The following VTI1A variants were observed in gnomAD, a reference collection of about 807,000 sequenced individuals.
The protein encoded by VTI1A is vesicle transport through interaction with t-SNAREs 1A.
VTI1A carries 22 observed loss-of-function variants against 34.9 expected under a neutral mutation model. The observed-to-expected ratio is 0.63, with a 90% CI of 0.45 to 0.90. The LOEUF (loss-of-function observed/expected upper bound fraction) is 0.90. Among genes scored for constraint, VTI1A ranks in the 40% least tolerant of loss-of-function variants. The pLI is 0.00. For missense variants in VTI1A, 268 were observed against 275.6 expected, an observed-to-expected ratio of 0.97 and a Z score of 0.20; for synonymous variants, 87 against 97.3, an observed-to-expected ratio of 0.89 and a Z score of 0.62.
intron 5 of VTI1A, among the ~76,000 whole-genome samples, chr10:112,644,307 G>T (rs542708461): frequency 3.2e-3 from 495 of 152,334 alleles, no homozygotes; most frequent in Non-Finnish European, 5.1e-3. Flanking sequence ...CAATTTTGTT[G>T]TAGTTCCTAG....
rs144239748 is a variant in VTI1A, at chr10:112,582,785, G to A, written c.427+44455G>A. On this transcript the variant is annotated intron_variant, in intron 5 of 7. Transcript: ENST00000393077. ...ACGTGTTTTTAGTCACTTTTTTAACGTATAAATATTATTATATTGTAAATA... is the reference window on the plus strand; with the variant it reads ...ACGTGTTTTTAGTCACTTTTTTAACATATAAATATTATTATATTGTAAATA... 2.8e-4 allele frequency among the ~76,000 whole-genome samples: 43 copies of A among 152,052 alleles called. No homozygotes were observed. In the East Asian group the frequency reaches 3.3e-3, roughly 12 times the overall value.
intron 5 of VTI1A, among the ~76,000 whole-genome samples, chr10:112,555,366 T>A (rs904484508): frequency 2.0e-5 from 3 of 152,138 alleles, no homozygotes; most frequent in Admixed American, 6.5e-5. Flanking sequence ...TTCTCCTTAT[T>A]TAACTGCCTG....
chr10:112,537,311 G>GTATATATATATATATATATATATCTATA (rs1850674067), intron 4 of VTI1A, among the ~76,000 whole-genome samples: 1 of 65,222 alleles, frequency 1.5e-5, no homozygotes, highest in African/African-American at 4.5e-5. Flanking sequence ...AAGTATCTAG[G>GTATATATATATATATATATATATCTATA]TATATATATA....
At chr10:112,742,579 G>A (rs747161026) in intron 7 of VTI1A, among the ~76,000 whole-genome samples, 7 of 152,194 alleles carry the variant, frequency 4.6e-5, no homozygotes, top group Admixed American at 6.5e-5. Flanking sequence ...CAGGAGTGGA[G>A]GCTGCTAAAT....
intron 7 of VTI1A, among the ~76,000 whole-genome samples, chr10:112,683,841 G>A (rs1354386950): frequency 2.6e-5 from 4 of 152,136 alleles, no homozygotes; most frequent in African/African-American, 4.8e-5. Context: ...TCAGGAGTTC[G>A]AGACCAGCCT....
intron 3 of VTI1A, among the ~76,000 whole-genome samples, chr10:112,469,886 A>T (rs1235108678): frequency 6.6e-6 from 1 of 152,162 alleles, no homozygotes; most frequent in Non-Finnish European, 1.5e-5. Flanking sequence ...ATGTTTGATG[A>T]TGCATCCCAG....
At chr10:112,776,825 G>A (rs1021870385) in intron 7 of VTI1A, among the ~76,000 whole-genome samples, 19 of 151,742 alleles carry the variant, frequency 1.3e-4, no homozygotes, top group African/African-American at 3.4e-4. Flanking sequence ...CTACAAGTGC[G>A]CACCACCACG....
intron 7 of VTI1A, among the ~76,000 whole-genome samples, chr10:112,696,110 A>ATATATATG (rs1408315450): frequency 1.3e-5 from 2 of 151,354 alleles, no homozygotes; most frequent in African/African-American, 4.9e-5. Context: ...ATATATATAT[A>ATATATATG]TATATGCACG....
chr10:112,496,396 T>C (rs894028780), intron 3 of VTI1A, among the ~76,000 whole-genome samples: 2 of 151,692 alleles, frequency 1.3e-5, no homozygotes, highest in Admixed American at 1.3e-4. Flanking sequence ...ATGGTGAAAC[T>C]CTATCTCTAC....
rs187067217 is a variant in VTI1A, at chr10:112,555,428, T to G, written c.427+17098T>G. Among the ~76,000 whole-genome samples the G allele has an allele frequency of 7.4e-4, 113 of 152,260 alleles. 1 individual carries two copies. The highest frequency in any genetic ancestry group is 3.7e-3 in the Admixed American group (56 of 15,296). On this transcript the variant is annotated intron_variant, in intron 5 of 7. Coordinates refer to ENST00000393077, the MANE Select transcript of VTI1A (RefSeq NM_145206.4). ...TAAGGTTCAATATCTCTGGAAATTC[T>G]ACAGTAACAGACTTTAAAAACTCTT...
intron 7 of VTI1A, among the ~76,000 whole-genome samples, chr10:112,709,595 T>A (rs1849326562): frequency 6.6e-6 from 1 of 151,794 alleles, no homozygotes; most frequent in African/African-American, 2.4e-5. Flanking sequence ...CCTGCCCATC[T>A]TTCAGTTCCC....
rs575980107 is a variant in VTI1A, at chr10:112,510,917, C to T, written c.265-16170C>T. ...CATATGGGATAAAAGTTTAAATTGC[C>T]TGAATTTGAAAGGAATCATGGTCTT... On this transcript the variant is annotated intron_variant, in intron 3 of 7. Transcript: ENST00000393077. Among the ~76,000 whole-genome samples the T allele has an allele frequency of 2.6e-5, 4 of 152,176 alleles. No individual in the cohort carries two copies. In the East Asian group the frequency reaches 7.7e-4, roughly 29 times the overall value.
At chr10:112,833,818 G>A in the VTI1A span, among the ~76,000 whole-genome samples, 3 of 152,138 alleles carry the variant, frequency 2.0e-5, no homozygotes, top group Non-Finnish European at 4.4e-5. Flanking sequence ...TTGATCTTTA[G>A]CTCCCAAAGA....
intron 3 of VTI1A, among the ~76,000 whole-genome samples, chr10:112,523,897 C>T (rs561567469): frequency 3.8e-4 from 58 of 152,046 alleles, no homozygotes; most frequent in Admixed American, 1.3e-3. Flanking sequence ...GGCTAAAGTA[C>T]GAATTTTATA....
intron 5 of VTI1A, among the ~76,000 whole-genome samples, chr10:112,554,171 A>G (rs1342536237): frequency 6.6e-6 from 1 of 152,242 alleles, no homozygotes; most frequent in Non-Finnish European, 1.5e-5. Context: ...GTAACAAAAA[A>G]TAATTCTGCT....
At chr10:112,549,618 T>C (rs1328675928) in intron 5 of VTI1A, among the ~76,000 whole-genome samples, 1 of 152,206 alleles carries the variant, frequency 6.6e-6, no homozygotes, top group Non-Finnish European at 1.5e-5. Context: ...TCTATAGAAA[T>C]ATTAAACTTT....
chr10:112,592,174 A>T (rs7090239), intron 5 of VTI1A, among the ~76,000 whole-genome samples: 33,470 of 152,100 alleles, frequency 0.22, 4,069 homozygotes, highest in African/African-American at 0.32. Context: ...CATCCCCACA[A>T]CCACTGGAAA....
At chr10:112,780,355 A>C (rs924612075) in intron 7 of VTI1A, among the ~76,000 whole-genome samples, 2 of 151,900 alleles carry the variant, frequency 1.3e-5, no homozygotes, top group Non-Finnish European at 2.9e-5. Flanking sequence ...CTAGAATTTT[A>C]ATAATTGAAA....
At chr10:112,587,289 T>C (rs1844197775) in intron 5 of VTI1A, among the ~76,000 whole-genome samples, 1 of 152,162 alleles carries the variant, frequency 6.6e-6, no homozygotes, top group Non-Finnish European at 1.5e-5. Context: ...ATACTTGCCA[T>C]GTACCTACTG....
Sources: allele counts gnomAD v4.1 joint callset (sites outside exome capture counted in the v4.1 genomes callset), GRCh38; gene constraint gnomAD v4.1.1; transcripts MANE v1.5; gene names NCBI Gene and HGNC (gene_info 2026-07-23, HGNC 2026-07-21).